The following RFC2 variants were observed in gnomAD, a reference collection of about 807,000 sequenced individuals.
RFC2 encodes the protein A1 40 kDa subunit.
RFC2 carries 34 observed loss-of-function variants against 44.8 expected under a neutral mutation model. The ratio of observed to expected loss-of-function variants is 0.76; its 90% CI spans 0.58 to 1.01. The LOEUF is 1.01. Among genes scored for constraint, RFC2 ranks in the 50% least tolerant of loss-of-function variants. The pLI, the probability that RFC2 is intolerant of heterozygous loss-of-function variation, is 0.00. For missense variants in RFC2, 400 were observed against 453.6 expected (o/e 0.88, Z 1.07); for synonymous variants, 177 against 168.9 (o/e 1.05, Z -0.37).
At chr7:74,234,154 G>C (rs1584241408) in intron 10 of RFC2, among the ~76,000 whole-genome samples, 1 of 152,278 alleles carries the variant, frequency 6.6e-6, no homozygotes, top group East Asian at 1.9e-4. Context: ...AGAAGTACCA[G>C]CGTGGACACA....
chr7:74,234,898 C>T (rs1232136553), intron 10 of RFC2, among the ~76,000 whole-genome samples: 3 of 152,138 alleles, frequency 2.0e-5, no homozygotes, highest in African/African-American at 7.2e-5. Context: ...TCTTTTCTTT[C>T]TACATTACCC....
chr7:74,248,295 C>T (rs926973663), intron 4 of RFC2, among the ~76,000 whole-genome samples: 1 of 151,800 alleles, frequency 6.6e-6, no homozygotes, highest in East Asian at 2.0e-4. Context: ...GCTTGAGTCC[C>T]GGAGTTCGAG....
chr7:74,244,227 C>T (rs1554719668), intron 5 of RFC2, among the ~76,000 whole-genome samples: 1 of 151,322 alleles, frequency 6.6e-6, no homozygotes, highest in African/African-American at 2.4e-5. Flanking sequence ...AAGATCATGC[C>T]ACTGCACTCC....
intron 10 of RFC2, 93 bp downstream of exon 10, chr7:74,235,425 GCCCACCTCGGCCTC>G: frequency 1.3e-6 from 1 of 753,832 alleles, no homozygotes; most frequent in Non-Finnish European, 2.4e-6. Flanking sequence ...CAGGTGATCT[GCCCACCTCGGCCTC>G]CCAAAGTGCT....
chr7:74,254,200 C>G, intron 1 of RFC2, 71 bp downstream of exon 1: 8 of 1,190,128 alleles, frequency 6.7e-6, no homozygotes, highest in Non-Finnish European at 9.8e-6. Flanking sequence ...CCGAGTTTCT[C>G]CGGAGCACGG....
At chr7:74,244,096 C>CAAAAAAAAAAAAA (rs1179272254) in intron 5 of RFC2, among the ~76,000 whole-genome samples, 1 of 41,634 alleles carries the variant, frequency 2.4e-5, no homozygotes, top group Non-Finnish European at 5.3e-5. Flanking sequence ...ACTAAAAATA[C>CAAAAAAAAAAAAA]AAAAAAAAAA....
intron 2 of RFC2, among the ~76,000 whole-genome samples, chr7:74,250,260 T>TG (rs1275740283): frequency 6.6e-6 from 1 of 152,086 alleles, no homozygotes; most frequent in African/African-American, 2.4e-5. Flanking sequence ...TTTATCCACA[T>TG]GGACTGGATG....
chr7:74,248,986 C>A (rs377545731), intron 4 of RFC2, 26 bp downstream of exon 4: 5 of 1,517,082 alleles, frequency 3.3e-6, no homozygotes, highest in Admixed American at 3.3e-5. Flanking sequence ...CACCCGCCCC[C>A]CTACAGGTCT....
At chr7:74,232,906 A>C (rs1363042944) in intron 10 of RFC2, among the ~76,000 whole-genome samples, 2 of 151,570 alleles carry the variant, frequency 1.3e-5, no homozygotes, top group African/African-American at 4.9e-5. Context: ...AAAATCAAAC[A>C]ACCCAATTAA....
chr7:74,245,670 G>A (rs560512231), intron 5 of RFC2, among the ~76,000 whole-genome samples: 26 of 142,956 alleles, frequency 1.8e-4, no homozygotes, highest in African/African-American at 6.7e-4. Flanking sequence ...CCAAGATTGC[G>A]CCACTGCACT....
intron 6 of RFC2, among the ~76,000 whole-genome samples, chr7:74,241,293 ACTT>A (rs1803317014): frequency 6.6e-6 from 1 of 151,958 alleles, no homozygotes; most frequent in African/African-American, 2.4e-5. Context: ...AGTGGAGAAT[ACTT>A]CTCATTAAAC....
At chr7:74,243,044 A>G (rs1803424261) in intron 6 of RFC2, 102 bp downstream of exon 6, 4 of 743,288 alleles carry the variant, frequency 5.4e-6, no homozygotes, top group Non-Finnish European at 9.3e-6. Context: ...TGATGGCACC[A>G]CTGCACTCCA....
intron 7 of RFC2, among the ~76,000 whole-genome samples, chr7:74,239,369 T>TCGCC (rs1378341042): frequency 6.6e-6 from 1 of 151,784 alleles, no homozygotes; most frequent in African/African-American, 2.4e-5. Flanking sequence ...TCTCGCTCTG[T>TCGCC]CGCCCAGGCT....
intron 6 of RFC2, among the ~76,000 whole-genome samples, chr7:74,242,433 A>G (rs1803383375): frequency 6.6e-6 from 1 of 152,122 alleles, no homozygotes; most frequent in Non-Finnish European, 1.5e-5. Flanking sequence ...TCATCTCTAA[A>G]CTGAAGCGAA....
intron 2 of RFC2, among the ~76,000 whole-genome samples, chr7:74,251,820 G>A (rs1450328621): frequency 9.0e-5 from 12 of 133,544 alleles, no homozygotes; most frequent in South Asian, 4.9e-4. Context: ...AAAAAAGGCC[G>A]GGCGCGGTGG....
chr7:74,246,612 A>G, intron 5 of RFC2, 50 bp downstream of exon 5: 1 of 1,283,390 alleles, frequency 7.8e-7, no homozygotes, highest in Non-Finnish European at 1.1e-6. Flanking sequence ...ATAAAACCGA[A>G]AAAGAGATTT....
At chr7:74,235,005 C>T (rs955688910) in intron 10 of RFC2, among the ~76,000 whole-genome samples, 3 of 152,154 alleles carry the variant, frequency 2.0e-5, no homozygotes, top group African/African-American at 7.2e-5. Context: ...AGATGCCAGG[C>T]CTGTGAGCAG....
chr7:74,242,156 T>C (rs1353598727), intron 6 of RFC2, among the ~76,000 whole-genome samples: 1 of 152,120 alleles, frequency 6.6e-6, no homozygotes, highest in African/African-American at 2.4e-5. Flanking sequence ...CAAATTCCAA[T>C]GTACAGATAC....
chr7:74,233,131 AGCAT>A (rs1563983887), intron 10 of RFC2, among the ~76,000 whole-genome samples: 1 of 152,114 alleles, frequency 6.6e-6, no homozygotes, highest in African/African-American at 2.4e-5. Context: ...GGATTGCTTG[AGCAT>A]GGAAGGTTGA....
Sources: allele counts gnomAD v4.1 joint callset (sites outside exome capture counted in the v4.1 genomes callset), GRCh38; gene constraint gnomAD v4.1.1; transcripts MANE v1.5; gene names NCBI Gene and HGNC (gene_info 2026-07-23, HGNC 2026-07-21).